CAMTA1: variants seen among roughly 807,000 people sequenced by gnomAD.
The protein encoded by CAMTA1 is calmodulin-binding transcription activator 1.
CAMTA1 carries 27 observed loss-of-function variants against 170.9 expected under a neutral mutation model. That is an observed-to-expected ratio of 0.16 (90% CI 0.12 to 0.22). The LOEUF (loss-of-function observed/expected upper bound fraction) is 0.22, where lower values mean the gene tolerates loss of function less well. Among genes scored for constraint, CAMTA1 ranks in the 10% least tolerant of loss-of-function variants. CAMTA1 has a pLI of 1.00. For synonymous variants in CAMTA1, 833 were observed against 891.5 expected (o/e 0.93, Z 1.17); for missense variants, 1,619 against 2,217.2 (o/e 0.73, Z 5.42).
chr1:7,066,582 G>A (rs1239478380), intron 3 of CAMTA1, among the ~76,000 whole-genome samples: 1 of 152,214 alleles, frequency 6.6e-6, no homozygotes, highest in South Asian at 2.1e-4. Context: ...GATGGATTTG[G>A]TAGAACTTGC....
chr1:7,154,006 G>A (rs1168696389), intron 4 of CAMTA1, among the ~76,000 whole-genome samples: 2 of 152,190 alleles, frequency 1.3e-5, no homozygotes, highest in African/African-American at 4.8e-5. Context: ...GGCACTGGGT[G>A]TCCTGTGTGT....
intron 3 of CAMTA1, among the ~76,000 whole-genome samples, chr1:6,893,594 T>A (rs1052193495): frequency 2.0e-5 from 3 of 152,222 alleles, no homozygotes; most frequent in Non-Finnish European, 4.4e-5. Context: ...TAGCTTCACA[T>A]GCGCACTGAG....
intron 5 of CAMTA1, among the ~76,000 whole-genome samples, chr1:7,357,651 A>T (rs2085223169): frequency 6.6e-6 from 1 of 151,694 alleles, no homozygotes; most frequent in South Asian, 2.1e-4. Context: ...GGCCCTGGAA[A>T]GCCATAGAAG....
chr1:7,620,068 C>G (rs1391455171), intron 6 of CAMTA1, among the ~76,000 whole-genome samples: 2 of 152,184 alleles, frequency 1.3e-5, no homozygotes, highest in Non-Finnish European at 2.9e-5. Context: ...CTTTGAAGTT[C>G]CCTCTAAGGA....
At chr1:7,178,009 G>C (rs1000292765) in intron 4 of CAMTA1, among the ~76,000 whole-genome samples, 1 of 151,408 alleles carries the variant, frequency 6.6e-6, no homozygotes, top group African/African-American at 2.4e-5. Context: ...TACACACTGA[G>C]CCACTTCCCA....
intron 4 of CAMTA1, among the ~76,000 whole-genome samples, chr1:7,227,857 A>T (rs1380099056): frequency 7.2e-6 from 1 of 139,040 alleles, no homozygotes; most frequent in Non-Finnish European, 1.5e-5. Context: ...AGGACTCCTC[A>T]CCCAGGGCCC....
chr1:6,899,457 G>T (rs1407754134), intron 3 of CAMTA1, among the ~76,000 whole-genome samples: 1 of 152,192 alleles, frequency 6.6e-6, no homozygotes, highest in African/African-American at 2.4e-5. Flanking sequence ...TGGGAATTCA[G>T]CAATCACTTG....
In CAMTA1 at chr1:7,092,735, C is replaced by G. The variant is rs978907663; in HGVS notation, c.302+1364C>G. On this transcript the variant is annotated intron_variant, in intron 4 of 22. Coordinates refer to ENST00000303635, the MANE Select transcript of CAMTA1 (RefSeq NM_015215.4). This position sits in a 1 kb window ranked among gnomAD's most constrained non-coding sequence, Gnocchi z 5.0. ...AAACAACAAATCTTTATTTTCTGCT[C>G]ATGGGTCTGTGGGCTGCCTGTGGCT... 6.6e-6 allele frequency among the ~76,000 whole-genome samples: 1 copy of G among 152,212 alleles called. No homozygotes were observed. The highest frequency in any genetic ancestry group is 1.5e-5 in the Non-Finnish European group (1 of 68,044).
chr1:7,451,507 A>G (rs549029698), intron 5 of CAMTA1, among the ~76,000 whole-genome samples: 1 of 152,232 alleles, frequency 6.6e-6, no homozygotes, highest in East Asian at 1.9e-4. Flanking sequence ...CTCCTGAGCC[A>G]CCTTTCCACC....
intron 6 of CAMTA1, among the ~76,000 whole-genome samples, chr1:7,477,862 G>T (rs968268649): frequency 6.6e-6 from 1 of 152,170 alleles, no homozygotes; most frequent in African/African-American, 2.4e-5. Context: ...GGACGAGTGG[G>T]TACTGAGTAC....
chr1:7,284,171 CTTCTTCTTATTATTA>C (rs1467908592), intron 5 of CAMTA1, among the ~76,000 whole-genome samples: 266 of 115,782 alleles, frequency 2.3e-3, no homozygotes, highest in African/African-American at 6.2e-3. Flanking sequence ...TCTTCTTCTT[CTTCTTCTTATTATTA>C]TTATTATTAT....
intron 5 of CAMTA1, among the ~76,000 whole-genome samples, chr1:7,259,536 C>A (rs749327086): frequency 6.6e-6 from 1 of 152,220 alleles, no homozygotes; most frequent in African/African-American, 2.4e-5. Flanking sequence ...TGGGACACGC[C>A]ATTCTGTTGT....
intron 3 of CAMTA1, among the ~76,000 whole-genome samples, chr1:6,926,625 C>T (rs985698113): frequency 5.5e-5 from 8 of 145,452 alleles, no homozygotes; most frequent in African/African-American, 1.8e-4. Context: ...TCTTTCTCCC[C>T]TCCCCTCCTC....
intron 6 of CAMTA1, among the ~76,000 whole-genome samples, chr1:7,640,041 C>T (rs1055322565): frequency 6.6e-6 from 1 of 152,104 alleles, no homozygotes; most frequent in East Asian, 1.9e-4. Flanking sequence ...ACCTCATGCC[C>T]GTGGTTCCCA....
At chr1:7,445,958 T>C (rs1432249120) in intron 5 of CAMTA1, among the ~76,000 whole-genome samples, 2 of 152,136 alleles carry the variant, frequency 1.3e-5, no homozygotes, top group Non-Finnish European at 2.9e-5. Flanking sequence ...TGGCCACAGA[T>C]GCCTGGCGTG....
intron 3 of CAMTA1, among the ~76,000 whole-genome samples, chr1:6,989,979 G>GGTC (rs1479820135): frequency 6.6e-6 from 1 of 152,104 alleles, no homozygotes; most frequent in African/African-American, 2.4e-5. Context: ...GCAACAAGTG[G>GGTC]GTCTTTCAGG....
At chr1:7,593,538 G>A (rs1421146416) in intron 6 of CAMTA1, among the ~76,000 whole-genome samples, 2 of 147,738 alleles carry the variant, frequency 1.4e-5, no homozygotes, top group Admixed American at 1.3e-4. Flanking sequence ...CACCCAGGCT[G>A]GAGTGCAGTG....
In CAMTA1 at chr1:7,664,532, T is replaced by A; in HGVS notation, c.1985T>A (p.Val662Glu). The A allele has an allele frequency of 1.9e-6, 3 of 1,613,242 alleles. No individual in the cohort carries two copies. Among genetic ancestry groups the A allele is most frequent in the Non-Finnish European group, 2.5e-6 (3 of 1,180,040 alleles). Reference protein sequence around the residue: ...SSQTSSCSGHVETRIESTSSL... With the variant: ...SSQTSSCSGHEETRIESTSSL... ...CAAACCAGCTCCTGCAGCGGTCACG[T>A]GGAGACGCGGATCGAGTCCACTTCC... Residue 662 changes from valine (V) to glutamate (E), a missense_variant, in exon 9 of 23, where the codon GTG becomes GAG. Val to Glu is a moderately radical substitution (Grantham distance 121, BLOSUM62 -2). This residue lies in a region of CAMTA1 where 731 missense variants were observed against 907.6 expected (regional missense o/e 0.81). Coordinates refer to ENST00000303635, the MANE Select transcript of CAMTA1 (RefSeq NM_015215.4).
chr1:7,717,732 AAAAT>A (rs2096621561), intron 11 of CAMTA1, among the ~76,000 whole-genome samples: 1 of 152,168 alleles, frequency 6.6e-6, no homozygotes, highest in African/African-American at 2.4e-5. Flanking sequence ...TGTCTAAAAA[AAAAT>A]AAAAAAATAA....
Sources: gnomAD v4.1 joint callset for allele counts (sites outside exome capture counted in the v4.1 genomes callset) on GRCh38, gnomAD v4.1.1 for gene constraint, gnomAD v4.1.1 regional missense constraint, Gnocchi (gnomAD v3.1) non-coding constraint, MANE v1.5 for transcripts, NCBI Gene and HGNC (gene_info 2026-07-23, HGNC 2026-07-21) for gene names.